Variants in ARHGAP25 observed in about 807,000 individuals in gnomAD.
ARHGAP25 encodes the protein rho GTPase-activating protein 25.
In ARHGAP25, 34 loss-of-function variants were observed where a neutral mutation model predicts 71.0. The observed-to-expected ratio is 0.48, with a 90% CI of 0.36 to 0.64. The LOEUF (loss-of-function observed/expected upper bound fraction) is 0.64. ARHGAP25 is among the 30% of genes least tolerant of loss of function. ARHGAP25 has a pLI of 0.00. For missense variants in ARHGAP25, 706 were observed against 805.1 expected (o/e 0.88, Z 1.49); for synonymous variants, 282 against 296.5 (o/e 0.95, Z 0.50).
At chr2:68,739,104 C>T (rs1212510438) in intron 1 of ARHGAP25, among the ~76,000 whole-genome samples, 1 of 152,226 alleles carries the variant, frequency 6.6e-6, no homozygotes, top group African/African-American at 2.4e-5. Context: ...TCTGCAGCAG[C>T]AGCAGAGTGG....
chr2:68,744,565 T>A (rs572053605), intron 1 of ARHGAP25, among the ~76,000 whole-genome samples: 1 of 152,342 alleles, frequency 6.6e-6, no homozygotes, highest in Admixed American at 6.5e-5. Context: ...AGTGTGACTG[T>A]GACTGTGACA....
chr2:68,782,369 C>CGGGA (rs1678404654), intron 3 of ARHGAP25, 49 bp downstream of exon 3: 1 of 1,525,798 alleles, frequency 6.6e-7, no homozygotes, highest in Non-Finnish European at 9.1e-7. Context: ...GTAAAATTCC[C>CGGGA]ATTTTACTTC....
At chr2:68,795,782 T>C (rs937530494) in intron 4 of ARHGAP25, among the ~76,000 whole-genome samples, 1 of 152,204 alleles carries the variant, frequency 6.6e-6, no homozygotes, top group Non-Finnish European at 1.5e-5. Context: ...TTCATCCCAT[T>C]TGGTATAAAG....
At chr2:68,716,148 C>T (rs566148707) in intron 2 of ARHGAP25, among the ~76,000 whole-genome samples, 2 of 152,310 alleles carry the variant, frequency 1.3e-5, no homozygotes, top group East Asian at 3.9e-4. Context: ...CCATCCTTTC[C>T]TGTGCCCGCC....
At chr2:68,732,313 A>G (rs1366011176), upstream of ARHGAP25, among the ~76,000 whole-genome samples, 1 of 152,208 alleles carries the variant, frequency 6.6e-6, no homozygotes, top group African/African-American at 2.4e-5. Flanking sequence ...CCTGAAAAGT[A>G]AAGGAAGTTC....
intron 1 of ARHGAP25, among the ~76,000 whole-genome samples, chr2:68,748,664 A>T (rs1675979359): frequency 6.6e-6 from 1 of 152,226 alleles, no homozygotes. Flanking sequence ...TAGTGATTGA[A>T]CAACAGTTTG....
At chr2:68,787,371 G>T (rs1190993517) in intron 3 of ARHGAP25, among the ~76,000 whole-genome samples, 2 of 152,172 alleles carry the variant, frequency 1.3e-5, no homozygotes, top group Non-Finnish European at 2.9e-5. Flanking sequence ...TGTGAAAAAA[G>T]CACACATCTA....
intron 3 of ARHGAP25, 40 bp from the exon 4 acceptor site, chr2:68,787,800 A>G: frequency 1.9e-6 from 3 of 1,544,204 alleles, no homozygotes; most frequent in Non-Finnish European, 2.7e-6. Context: ...TCATGTTCTT[A>G]TCACTCTAAG....
At chr2:68,800,051 C>G (rs982851041) in intron 4 of ARHGAP25, among the ~76,000 whole-genome samples, 1 of 152,156 alleles carries the variant, frequency 6.6e-6, no homozygotes, top group Non-Finnish European at 1.5e-5. Flanking sequence ...AAAGGTATTT[C>G]TTTTTTATTT....
intron 1 of ARHGAP25, among the ~76,000 whole-genome samples, chr2:68,769,938 T>G (rs1022737648): frequency 2.0e-5 from 3 of 152,034 alleles, no homozygotes; most frequent in African/African-American, 7.2e-5. Context: ...TTAGACTTCA[T>G]CGTTTAGGAG....
rs1212016671 is a variant in ARHGAP25 at position 68,816,544 on chromosome 2, G to A, written c.881+182G>A. The A allele has an allele frequency of 4.9e-6, 3 of 609,992 alleles. No individual in the cohort carries two copies. The East Asian group carries it at 8.5e-5, about 17-fold the overall frequency. 37.8% of individuals were successfully genotyped at this position (609,992 alleles called of 1,614,324 possible). The stretch of plus-strand genomic sequence containing the variant: ...TAATTTCAAGGATTCTGAAAACCTG[G>A]TTGAACCAAAAAATGAACGTGCTCC... On this transcript the variant is annotated intron_variant, in intron 7 of 10. Coordinates refer to ENST00000409202, the MANE Select transcript of ARHGAP25 (RefSeq NM_001007231.3).
intron 2 of ARHGAP25, among the ~76,000 whole-genome samples, chr2:68,720,408 T>C (rs1331415929): frequency 1.3e-5 from 2 of 151,966 alleles, no homozygotes; most frequent in Non-Finnish European, 2.9e-5. Flanking sequence ...GTACAGAGAT[T>C]AACTTCTTCT....
intron 10 of ARHGAP25, among the ~76,000 whole-genome samples, chr2:68,823,669 G>T (rs1395114391): frequency 6.6e-6 from 1 of 152,178 alleles, no homozygotes; most frequent in Admixed American, 6.5e-5. Context: ...GTAGGGTTTT[G>T]TCAGCCACTG....
In ARHGAP25 at chr2:68,822,389, C is replaced by G; in HGVS notation, c.1250C>G (p.Ala417Gly). 6.2e-7 allele frequency: 1 copy of G among 1,614,130 alleles called. No homozygotes were observed. The highest frequency in any genetic ancestry group is 1.3e-5 in the African/African-American group (1 of 75,016). ...TSPTGQQPSDAFPEDSSKVPR... is the reference protein window; with the variant it reads ...TSPTGQQPSDGFPEDSSKVPR... Reference sequence around the variant, plus strand: ...CCCACCGGACAGCAGCCGAGCGATGCGTTTCCGGAGGACAGCAGCAAAGTA... The same window carrying G: ...CCCACCGGACAGCAGCCGAGCGATGGGTTTCCGGAGGACAGCAGCAAAGTA... Residue 417 changes from alanine (A) to glycine (G), a missense_variant, in exon 10 of 11, where the codon GCG (alanine) becomes GGG (glycine). Physicochemically the swap from Ala to Gly is moderately conservative, Grantham distance 60 (BLOSUM62 0). Transcript: ENST00000409202.
chr2:68,740,634 A>G (rs1675472024), intron 1 of ARHGAP25, among the ~76,000 whole-genome samples: 1 of 152,232 alleles, frequency 6.6e-6, no homozygotes, highest in Admixed American at 6.5e-5. Flanking sequence ...GAGAGAGTAT[A>G]AAAATCCTTT....
At chr2:68,731,323 T>A (rs961788684), upstream of ARHGAP25, among the ~76,000 whole-genome samples, 7 of 152,108 alleles carry the variant, frequency 4.6e-5, no homozygotes, top group South Asian at 1.0e-3. Context: ...GGATCTTGGG[T>A]GCCTCTTTTT....
intron 1 of ARHGAP25, among the ~76,000 whole-genome samples, chr2:68,747,806 C>G (rs1005459636): frequency 6.6e-6 from 1 of 152,192 alleles, no homozygotes; most frequent in Non-Finnish European, 1.5e-5. Flanking sequence ...CCCTTCCACT[C>G]CAGATCTAAT....
chr2:68,822,424 A>G lies in ARHGAP25; in HGVS notation c.1285A>G (p.Lys429Glu), dbSNP rs1027320647. 2 of 1,614,188 alleles carry G rather than the reference A, an allele frequency of 1.2e-6. No homozygotes were observed. The highest frequency in any genetic ancestry group is 1.3e-5 in the African/African-American group (1 of 75,038). The change falls in exon 10 of 11, where the codon AAG becomes GAG. Residue 429 changes from lysine (K) to glutamate (E), a missense_variant. Coordinates refer to ENST00000409202, the MANE Select transcript of ARHGAP25 (RefSeq NM_001007231.3). ...GGACAGCAGCAAAGTACCCAGGGAA[A>G]AGCCAGGAGACTGGAAAATGCAATC... is the stretch of plus-strand genomic sequence containing the variant. ...PEDSSKVPRE[K>E]PGDWKMQSRK...
At chr2:68,809,220 C>A (rs760044560) in intron 5 of ARHGAP25, among the ~76,000 whole-genome samples, 3 of 152,144 alleles carry the variant, frequency 2.0e-5, no homozygotes, top group South Asian at 2.1e-4. Context: ...CTCTCCACCC[C>A]CTTTTATACT....
Sources: allele counts gnomAD v4.1 joint callset (sites outside exome capture counted in the v4.1 genomes callset), GRCh38; gene constraint gnomAD v4.1.1; transcripts MANE v1.5; gene names NCBI Gene and HGNC (gene_info 2026-07-23, HGNC 2026-07-21).